Variants in PCDH15 observed in about 807,000 individuals in gnomAD.
PCDH15 encodes protocadherin related 15.
PCDH15 carries 129 observed loss-of-function variants against 178.5 expected under a neutral mutation model. That is an observed-to-expected ratio of 0.72 (90% CI 0.63 to 0.84). PCDH15 has a LOEUF of 0.84. Ranked by LOEUF, PCDH15 falls within the 40% of genes least tolerant of loss-of-function variation. The probability of loss-of-function intolerance (pLI) is 0.00; values close to 1 mark genes in which losing one functional copy is unlikely to be tolerated. For missense variants in PCDH15, 2,230 were observed against 2,099.9 expected (o/e 1.06, Z -1.21); for synonymous variants, 800 against 732.0 (o/e 1.09, Z -1.50).
chr10:55,409,780 T>C (rs1231385939), intron 2 of PCDH15, among the ~76,000 whole-genome samples: 1 of 152,152 alleles, frequency 6.6e-6, no homozygotes, highest in African/African-American at 2.4e-5. Context: ...GGGACATATA[T>C]TAAGACATTA....
chr10:54,906,496 A>G (rs1041095849), intron 2 of PCDH15, among the ~76,000 whole-genome samples: 1 of 152,118 alleles, frequency 6.6e-6, no homozygotes, highest in African/African-American at 2.4e-5. Context: ...TTTAAATTTT[A>G]TTTTGTTCTC....
At chr10:53,871,451 CGT>C (rs71461208) in intron 26 of PCDH15, among the ~76,000 whole-genome samples, 2,008 of 146,830 alleles carry the variant, frequency 0.014, 16 homozygotes, top group African/African-American at 0.02. Flanking sequence ...TATATTCATA[CGT>C]GTGTGTGTGT....
chr10:54,869,943 A>G (rs970395578), intron 3 of PCDH15, among the ~76,000 whole-genome samples: 2 of 152,228 alleles, frequency 1.3e-5, no homozygotes, highest in Non-Finnish European at 2.9e-5. Flanking sequence ...TCCGCTTGAA[A>G]ATTGGAACTG....
chr10:55,312,896 C>T (rs1344642911), intron 1 of PCDH15, among the ~76,000 whole-genome samples: 1 of 152,124 alleles, frequency 6.6e-6, no homozygotes, highest in African/African-American at 2.4e-5. Flanking sequence ...AGATTACAGG[C>T]GTAAGCCACT....
In PCDH15 at chr10:54,528,517, T is replaced by C; in HGVS notation, c.92-640A>G. 5.4e-6 allele frequency: 4 copies of C among 735,998 alleles called. No homozygotes were observed. The South Asian group carries it at 9.2e-5, about 17-fold the overall frequency. 45.6% of individuals were successfully genotyped at this position (735,998 alleles called of 1,614,324 possible). ...AGAGATTTAAGGATATAAAAAGCAT[T>C]ATACAATAACATTATCTAATGATTT... On this transcript the variant is annotated intron_variant, in intron 2 of 37. Transcript: ENST00000644397.
At chr10:55,229,465 T>C (rs770769858) in intron 1 of PCDH15, among the ~76,000 whole-genome samples, 10 of 151,870 alleles carry the variant, frequency 6.6e-5, no homozygotes, top group Non-Finnish European at 1.2e-4. Flanking sequence ...AAAAATACAA[T>C]GTAAATTGCA....
intron 2 of PCDH15, among the ~76,000 whole-genome samples, chr10:55,019,479 G>A (rs576881997): frequency 1.3e-5 from 2 of 150,836 alleles, no homozygotes; most frequent in East Asian, 2.0e-4. Flanking sequence ...TTTCAAGTTC[G>A]TTTTCATAGC....
chr10:55,340,349 C>T (rs576538057), intron 2 of PCDH15, among the ~76,000 whole-genome samples: 1 of 151,740 alleles, frequency 6.6e-6, no homozygotes, highest in African/African-American at 2.4e-5. Context: ...TTGGTTTATA[C>T]CTGTAGCACT....
At chr10:54,013,357 C>A (rs752633306) in intron 20 of PCDH15, among the ~76,000 whole-genome samples, 37 of 152,094 alleles carry the variant, frequency 2.4e-4, no homozygotes, top group Middle Eastern at 3.4e-3. Flanking sequence ...ATGGAGGTGA[C>A]AAAGTGAAAA....
chr10:55,390,410 A>AATTG (rs1308107281), intron 2 of PCDH15, among the ~76,000 whole-genome samples: 1 of 152,118 alleles, frequency 6.6e-6, no homozygotes, highest in Non-Finnish European at 1.5e-5. Flanking sequence ...TTGCCACATT[A>AATTG]ATTGAGTATT....
chr10:54,892,700 AT>A (rs1244916938), intron 3 of PCDH15, among the ~76,000 whole-genome samples: 2 of 150,864 alleles, frequency 1.3e-5, no homozygotes, highest in South Asian at 2.1e-4. Flanking sequence ...ATTGAAAAAA[AT>A]AAATGAGAAT....
rs781148814 is a variant in PCDH15, at chr10:54,022,998, A to AT, written c.2419dup (p.Ile807AsnfsTer7). On this transcript the variant is annotated frameshift_variant, in exon 19 of 38. Coordinates refer to ENST00000644397, the MANE Select transcript of PCDH15 (RefSeq NM_001384140.1). LOFTEE classifies it high-confidence loss of function. ...GTTATCATCAATGTCCAAAACCTTG[A>AT]TGGCCAAGGTTAGAGTTGAATGACG... is the stretch of plus-strand genomic sequence containing the variant. 17 of 1,613,922 alleles carry AT rather than the reference A, an allele frequency of 1.1e-5. No homozygotes were observed. Among genetic ancestry groups the AT allele is most frequent in the Non-Finnish European group, 1.4e-5 (17 of 1,179,828 alleles).
chr10:55,294,056 C>T (rs1843076843), intron 1 of PCDH15, among the ~76,000 whole-genome samples: 1 of 152,120 alleles, frequency 6.6e-6, no homozygotes, highest in Non-Finnish European at 1.5e-5. Flanking sequence ...TTCCACATGG[C>T]TGAGGAGGTC....
At chr10:55,319,382 T>C (rs1168324743) in intron 1 of PCDH15, among the ~76,000 whole-genome samples, 3 of 152,148 alleles carry the variant, frequency 2.0e-5, no homozygotes, top group Non-Finnish European at 4.4e-5. Flanking sequence ...AGGAGTTTCA[T>C]TGCAAAATTA....
At chr10:54,648,506 G>T (rs1267843400) in intron 2 of PCDH15, among the ~76,000 whole-genome samples, 1 of 152,114 alleles carries the variant, frequency 6.6e-6, no homozygotes, top group African/African-American at 2.4e-5. Flanking sequence ...TGGGCACCTA[G>T]TAGCCCCTTA....
At chr10:53,892,304 C>T (rs964968802) in intron 26 of PCDH15, among the ~76,000 whole-genome samples, 5 of 152,046 alleles carry the variant, frequency 3.3e-5, no homozygotes, top group Admixed American at 6.5e-5. Context: ...GGATTACAGG[C>T]GTGAGCCACT....
intron 3 of PCDH15, among the ~76,000 whole-genome samples, chr10:54,395,247 A>T (rs1444271530): frequency 6.6e-6 from 1 of 152,172 alleles, no homozygotes; most frequent in African/African-American, 2.4e-5. Context: ...AGAAATTATA[A>T]AAGTATTAAT....
intron 30 of PCDH15, among the ~76,000 whole-genome samples, 189 bp from the exon 31 acceptor site, chr10:53,828,762 TAG>T (rs1182630291): frequency 1.5e-4 from 23 of 152,248 alleles, no homozygotes; most frequent in African/African-American, 2.9e-4. Context: ...TCGTTACCGT[TAG>T]AGTCATTCAA....
intron 37 of PCDH15, chr10:53,808,842 C>T: frequency 1.2e-6 from 2 of 1,610,156 alleles, no homozygotes; most frequent in Non-Finnish European, 1.7e-6. Flanking sequence ...ATTCTGATTC[C>T]TCCTCACTTT....
Sources: gnomAD v4.1 joint callset for allele counts (sites outside exome capture counted in the v4.1 genomes callset) on GRCh38, gnomAD v4.1.1 for gene constraint, MANE v1.5 for transcripts, NCBI Gene and HGNC (gene_info 2026-07-23, HGNC 2026-07-21) for gene names.